The following NRG3 variants were observed in gnomAD, a reference collection of about 807,000 sequenced individuals.
NRG3 encodes neuregulin 3.
A neutral mutation model predicts 66.9 loss-of-function variants in NRG3; 31 were observed. The ratio of observed to expected loss-of-function variants is 0.46; its 90% confidence interval spans 0.35 to 0.63. The LOEUF is 0.63. Among genes scored for constraint, NRG3 ranks in the 20% least tolerant of loss-of-function variants. NRG3 has a pLI of 0.00. For synonymous variants in NRG3, 393 were observed against 359.4 expected (o/e 1.09, Z -1.06); for missense variants, 910 against 878.9 (o/e 1.04, Z -0.45).
intron 1 of NRG3, among the ~76,000 whole-genome samples, chr10:82,194,218 G>T (rs1051639560): frequency 2.0e-5 from 3 of 151,874 alleles, no homozygotes; most frequent in Non-Finnish European, 4.4e-5. Flanking sequence ...GATATGTGTG[G>T]GTTGAAAAAA....
At chr10:81,948,011 TG>T (rs1302600572) in intron 1 of NRG3, among the ~76,000 whole-genome samples, 1 of 152,140 alleles carries the variant, frequency 6.6e-6, no homozygotes, top group African/African-American at 2.4e-5. Context: ...GCTCAACACA[TG>T]GTAAGTGCTC....
chr10:81,964,773 A>G (rs946553145), intron 1 of NRG3, among the ~76,000 whole-genome samples: 2 of 152,030 alleles, frequency 1.3e-5, no homozygotes, highest in Admixed American at 6.6e-5. Context: ...AGTTTTGCAT[A>G]TTTGATAGGA....
At chr10:82,761,095 T>TA (rs370119772) in intron 3 of NRG3, among the ~76,000 whole-genome samples, 8 of 151,716 alleles carry the variant, frequency 5.3e-5, no homozygotes, top group South Asian at 2.1e-4. Flanking sequence ...GAGCTAATTA[T>TA]AAAAAAAACT....
At chr10:81,949,395 C>G (rs969725600) in intron 1 of NRG3, among the ~76,000 whole-genome samples, 8 of 152,126 alleles carry the variant, frequency 5.3e-5, no homozygotes, top group African/African-American at 1.7e-4. Flanking sequence ...CCTTAGCGAC[C>G]TGTCTAGTCT....
At chr10:82,693,018 G>A (rs148992022) in intron 2 of NRG3, among the ~76,000 whole-genome samples, 61 of 152,226 alleles carry the variant, frequency 4.0e-4, no homozygotes, top group African/African-American at 1.3e-3. Context: ...TGCGCTACTC[G>A]ATGTCACTAT....
At chr10:82,884,547 C>A (rs1842574747) in intron 4 of NRG3, among the ~76,000 whole-genome samples, 1 of 152,140 alleles carries the variant, frequency 6.6e-6, no homozygotes, top group Non-Finnish European at 1.5e-5. Flanking sequence ...CACAGTTTGG[C>A]AATGCCCACA....
intron 1 of NRG3, among the ~76,000 whole-genome samples, chr10:82,043,506 G>A (rs2063134622): frequency 6.6e-6 from 1 of 151,992 alleles, no homozygotes; most frequent in Admixed American, 6.6e-5. Flanking sequence ...AGTAGAATAT[G>A]TAGTTCTTTT....
intron 3 of NRG3, among the ~76,000 whole-genome samples, chr10:82,855,579 G>A: frequency 6.6e-6 from 1 of 151,974 alleles, no homozygotes; most frequent in East Asian, 1.9e-4. Flanking sequence ...CGTATTTTTT[G>A]TAGAAATGGA....
chr10:82,705,303 T>A (rs1313048527), intron 2 of NRG3, among the ~76,000 whole-genome samples: 1 of 152,164 alleles, frequency 6.6e-6, no homozygotes, highest in Non-Finnish European at 1.5e-5. Flanking sequence ...TGGCCAAGTG[T>A]CTGCTTTGCA....
At chr10:82,815,715 G>C (rs1357887490) in intron 3 of NRG3, among the ~76,000 whole-genome samples, 2 of 152,136 alleles carry the variant, frequency 1.3e-5, no homozygotes, top group Non-Finnish European at 2.9e-5. Context: ...TGTGCCTTCT[G>C]CCTAAGTATT....
At chr10:82,809,685 G>A (rs1348714186) in intron 3 of NRG3, among the ~76,000 whole-genome samples, 1 of 152,150 alleles carries the variant, frequency 6.6e-6, no homozygotes, top group Middle Eastern at 3.4e-3. Context: ...GTTCATTTGT[G>A]TTTCAACCTC....
intron 1 of NRG3, among the ~76,000 whole-genome samples, chr10:81,958,336 A>C (rs1294151064): frequency 6.6e-6 from 1 of 152,214 alleles, no homozygotes; most frequent in East Asian, 1.9e-4. Context: ...CACGTTTATA[A>C]GCTATTGTTA....
intron 1 of NRG3, among the ~76,000 whole-genome samples, chr10:82,348,393 G>T (rs1338631447): frequency 1.5e-4 from 22 of 145,618 alleles, no homozygotes; most frequent in South Asian, 1.3e-3. Context: ...TTGAATATTG[G>T]CCCCCACTCT....
chr10:82,945,037 C>T (rs143987733), intron 4 of NRG3, among the ~76,000 whole-genome samples: 142 of 152,294 alleles, frequency 9.3e-4, no homozygotes, highest in African/African-American at 2.9e-3. Context: ...GGACTAATTT[C>T]AGCTGACCCT....
At chr10:82,417,080 C>A (rs2088635683) in intron 2 of NRG3, among the ~76,000 whole-genome samples, 2 of 152,136 alleles carry the variant, frequency 1.3e-5, no homozygotes, top group African/African-American at 4.8e-5. Context: ...CTGATTCAGT[C>A]CCCAAGGTCA....
At chr10:82,312,149 G>A (rs1257384921) in intron 1 of NRG3, among the ~76,000 whole-genome samples, 1 of 152,002 alleles carries the variant, frequency 6.6e-6, no homozygotes, top group African/African-American at 2.4e-5. Context: ...CCTAAGCAAG[G>A]GTATTTTCTT....
chr10:81,997,359 G>A (rs969463579), intron 1 of NRG3, among the ~76,000 whole-genome samples: 2 of 152,158 alleles, frequency 1.3e-5, no homozygotes, highest in African/African-American at 2.4e-5. Context: ...GATGTCCTTC[G>A]CCTCCAGCCT....
At chr10:82,033,830 C>A (rs1309631331) in intron 1 of NRG3, among the ~76,000 whole-genome samples, 2 of 151,996 alleles carry the variant, frequency 1.3e-5, no homozygotes, top group African/African-American at 2.4e-5. Context: ...CTCTCTGATC[C>A]CAGAAAAATT....
At chr10:82,029,424 T>C (rs921240686) in intron 1 of NRG3, among the ~76,000 whole-genome samples, 2 of 152,136 alleles carry the variant, frequency 1.3e-5, no homozygotes, top group African/African-American at 4.8e-5. Flanking sequence ...TAATAAGTGA[T>C]ACCTGTTATA....
Sources: allele counts gnomAD v4.1 joint callset (sites outside exome capture counted in the v4.1 genomes callset), GRCh38; gene constraint gnomAD v4.1.1; transcripts MANE v1.5; gene names NCBI Gene and HGNC (gene_info 2026-07-23, HGNC 2026-07-21).